MYRFL: variants seen among roughly 807,000 people sequenced by gnomAD.
MYRFL encodes myelin regulatory factor like.
MYRFL carries 88 observed loss-of-function variants against 109.4 expected under a neutral mutation model. That is an observed-to-expected ratio of 0.80 (90% CI 0.68 to 0.96). The LOEUF (loss-of-function observed/expected upper bound fraction) is 0.96. Among genes scored for constraint, MYRFL ranks in the 40% least tolerant of loss-of-function variants. The pLI, the probability that MYRFL is intolerant of heterozygous loss-of-function variation, is 0.00. For missense variants in MYRFL, 957 were observed against 954.9 expected, an observed-to-expected ratio of 1.00 and a Z score of -0.03; for synonymous variants, 324 against 320.9, an observed-to-expected ratio of 1.01 and a Z score of -0.10.
chr12:69,865,093 A>G lies in MYRFL; in HGVS notation c.137+9723A>G, dbSNP rs370017234. 4.1e-4 allele frequency among the ~76,000 whole-genome samples: 63 copies of G among 152,330 alleles called. 2 individuals carry two copies. The South Asian group carries it at 0.012, about 30-fold the overall frequency. On this transcript the variant is annotated intron_variant, in intron 2 of 24. Coordinates refer to ENST00000552032, the MANE Select transcript of MYRFL (RefSeq NM_182530.3). ...GTGATACCATTCCTTGTCCATCATA[A>G]TGGTCACAACCAACACTCCTATAAC...
chr12:69,928,028 C>A (rs1336419245), intron 15 of MYRFL, among the ~76,000 whole-genome samples: 2 of 152,208 alleles, frequency 1.3e-5, no homozygotes, highest in African/African-American at 4.8e-5. Context: ...GCAGCCTCGT[C>A]ATACAGATGG....
chr12:69,875,538 GC>G (rs1345338188), intron 2 of MYRFL, among the ~76,000 whole-genome samples: 4 of 152,144 alleles, frequency 2.6e-5, no homozygotes, highest in African/African-American at 9.7e-5. Flanking sequence ...TTTGTAGAGA[GC>G]AGTTTTTCCA....
At chr12:69,933,287 TC>T (rs1955327789) in intron 16 of MYRFL, among the ~76,000 whole-genome samples, 1 of 151,850 alleles carries the variant, frequency 6.6e-6, no homozygotes, top group Non-Finnish European at 1.5e-5. Flanking sequence ...ATGATTCCCC[TC>T]CCCCACCACA....
intron 9 of MYRFL, among the ~76,000 whole-genome samples, chr12:69,896,123 A>G (rs1356798406): frequency 6.6e-6 from 1 of 152,170 alleles, no homozygotes; most frequent in Non-Finnish European, 1.5e-5. Context: ...GAATTTGACT[A>G]TTTGATACTG....
At chr12:69,938,012 C>G (rs576371578) in intron 19 of MYRFL, among the ~76,000 whole-genome samples, 1 of 152,234 alleles carries the variant, frequency 6.6e-6, no homozygotes, top group African/African-American at 2.4e-5. Context: ...AGCTGAGACA[C>G]AGAGAGTTCT....
At chr12:69,947,850 T>A (rs1172864413) in intron 19 of MYRFL, among the ~76,000 whole-genome samples, 3 of 152,190 alleles carry the variant, frequency 2.0e-5, no homozygotes, top group Admixed American at 1.3e-4. Flanking sequence ...TCCAAGATGC[T>A]GTACTGGACT....
At chr12:69,841,239 C>T (rs1000581156) in intron 1 of MYRFL, among the ~76,000 whole-genome samples, 6 of 152,196 alleles carry the variant, frequency 3.9e-5, no homozygotes, top group Non-Finnish European at 8.8e-5. Context: ...TTCCCCGGCT[C>T]CTCATCCAGT....
intron 10 of MYRFL, among the ~76,000 whole-genome samples, chr12:69,901,133 A>G (rs1391932200): frequency 6.6e-6 from 1 of 152,254 alleles, no homozygotes; most frequent in African/African-American, 2.4e-5. Flanking sequence ...GTTATAACAT[A>G]GACTAGAATG....
In MYRFL at chr12:69,891,109, A is replaced by G. The variant is rs1886771883; in HGVS notation, c.846A>G (p.Glu282=). Residue 282 remains glutamate (E), a synonymous_variant, in exon 7 of 25, where the codon GAA becomes GAG. Coordinates refer to ENST00000552032, the MANE Select transcript of MYRFL (RefSeq NM_182530.3). ...TTTGGGGAAGTCCAAAATTTGTTGA[A>G]ACCGAGATGGGCCTAAAGCCAATAG... ...IQVWGSPKFV[E]TEMGLKPIEM... The G allele has an allele frequency of 2.6e-6, 4 of 1,535,096 alleles. No individual in the cohort carries two copies. Among genetic ancestry groups the G allele is most frequent in the Non-Finnish European group, 3.5e-6 (4 of 1,146,518 alleles).
Position 69,886,909 on chromosome 12 carries a change from AAGTGGCAACCATGCCAT to A in MYRFL, c.651_667del (p.Trp217CysfsTer12). ...TACAGACCAGTGCTCTCCTGCTCTGAAGTGGCAACCATGCCATAGTGTTCCTTGGCACAGCTTATTAA... is the reference window on the plus strand; with the variant it reads ...TACAGACCAGTGCTCTCCTGCTCTGAAGTGTTCCTTGGCACAGCTTATTAA... On this transcript the variant is annotated frameshift_variant, in exon 6 of 25. Coordinates refer to ENST00000552032, the MANE Select transcript of MYRFL (RefSeq NM_182530.3). LOFTEE classifies it high-confidence loss of function. 6.5e-7 allele frequency: 1 copy of A among 1,535,920 alleles called. No homozygotes were observed. The highest frequency in any genetic ancestry group is 2.4e-5 in the East Asian group (1 of 40,912).
chr12:69,892,166 C>T (rs1376515963), intron 7 of MYRFL, among the ~76,000 whole-genome samples: 1 of 152,038 alleles, frequency 6.6e-6, no homozygotes, highest in Non-Finnish European at 1.5e-5. Flanking sequence ...TCAAAGAGAT[C>T]TGTGACCTAA....
At chr12:69,832,945 TG>T (rs1444365368) in intron 1 of MYRFL, among the ~76,000 whole-genome samples, 2 of 228 alleles carry the variant, frequency 8.8e-3, no homozygotes, top group African/African-American at 0.019. Flanking sequence ...GGAACAGGCT[TG>T]TGTGTGTGTG....
intron 19 of MYRFL, among the ~76,000 whole-genome samples, chr12:69,950,532 T>C (rs1955947960): frequency 6.6e-6 from 1 of 152,180 alleles, no homozygotes; most frequent in Non-Finnish European, 1.5e-5. Context: ...GACTAATGAG[T>C]ATGTCCCTAC....
At chr12:69,846,340 T>TCACCC (rs1883544389) in intron 1 of MYRFL, among the ~76,000 whole-genome samples, 1 of 79,936 alleles carries the variant, frequency 1.3e-5, no homozygotes, top group African/African-American at 4.9e-5. Context: ...CCCTCCCCCC[T>TCACCC]CACCCCACCC....
At chr12:69,902,748 C>A (rs59148495) in intron 10 of MYRFL, among the ~76,000 whole-genome samples, 1 of 152,156 alleles carries the variant, frequency 6.6e-6, no homozygotes, top group Non-Finnish European at 1.5e-5. Context: ...TATTCAGTGG[C>A]TACAGGGAAG....
At chr12:69,912,138 G>A (rs1954591342) in intron 13 of MYRFL, among the ~76,000 whole-genome samples, 1 of 152,220 alleles carries the variant, frequency 6.6e-6, no homozygotes, top group South Asian at 2.1e-4. Context: ...AGGGCTGCAA[G>A]AGCACAGTGG....
At chr12:69,910,624 C>T (rs1028365874) in intron 12 of MYRFL, among the ~76,000 whole-genome samples, 197 bp from the exon 13 acceptor site, 1 of 132,696 alleles carries the variant, frequency 7.5e-6, no homozygotes, top group African/African-American at 3.0e-5. Flanking sequence ...CCCTGTTGGC[C>T]CAGAGTCTCA....
intron 13 of MYRFL, among the ~76,000 whole-genome samples, chr12:69,917,348 T>C (rs1011910699): frequency 1.3e-5 from 2 of 151,398 alleles, no homozygotes; most frequent in Non-Finnish European, 2.9e-5. Flanking sequence ...GGAGGGTATT[T>C]GTCCCTAACT....
intron 20 of MYRFL, 25 bp downstream of exon 20, chr12:69,952,200 A>G (rs773236697): frequency 7.2e-6 from 11 of 1,534,310 alleles, no homozygotes; most frequent in Middle Eastern, 3.3e-4. Context: ...AAGTGACACT[A>G]TTCTTTGGCT....
Sources: allele counts gnomAD v4.1 joint callset (sites outside exome capture counted in the v4.1 genomes callset), GRCh38; gene constraint gnomAD v4.1.1; transcripts MANE v1.5; gene names NCBI Gene and HGNC (gene_info 2026-07-23, HGNC 2026-07-21).